Variants in GDF9 observed in about 807,000 individuals in gnomAD.
GDF9 encodes the protein growth differentiation factor 9, also known as growth/differentiation factor 9.
A neutral mutation model predicts 33.8 loss-of-function variants in GDF9; 30 were observed. That is an observed-to-expected ratio of 0.89 (90% CI 0.66 to 1.20). The LOEUF (loss-of-function observed/expected upper bound fraction) is 1.20. Ranked by LOEUF, GDF9 falls within the 50% of genes most tolerant of loss-of-function variation. The pLI is 0.00. For synonymous variants in GDF9, 205 were observed against 200.7 expected (o/e 1.02, Z -0.18); for missense variants, 556 against 543.7 (o/e 1.02, Z -0.22).
At position 132,864,344 on chromosome 5, in the gene GDF9, C is replaced by A. The variant is rs756418984; in HGVS notation, c.190G>T (p.Ala64Ser). The A allele has an allele frequency of 1.2e-6, 2 of 1,614,156 alleles. No homozygotes were observed. Among genetic ancestry groups the A allele is most frequent in the South Asian group, 2.2e-5 (2 of 91,088 alleles). Residue 64 changes from alanine to serine, a missense_variant, in exon 1 of 2, where the codon GCG becomes TCG. By Grantham distance (99) the Ala-to-Ser change is moderately conservative. Coordinates refer to ENST00000687138, the MANE Select transcript of GDF9 (RefSeq NM_005260.7). ...DERDRAGLLP[A>S]LFKVLSVGRG... ...CCAACAGATAGAACTTTGAAAAGCG[C>A]GGGAAGGAGGCCAGCTCTGTCTCTC...
chr5:132,861,499 C>G lies in GDF9; in HGVS notation c.*90G>C. Reference sequence around the variant, plus strand: ...ATATAACATATGCTACATTTAGAGACTTAATATATGAAGCTTTCTCTTGAA... The same window carrying G: ...ATATAACATATGCTACATTTAGAGAGTTAATATATGAAGCTTTCTCTTGAA... On this transcript the variant is annotated 3_prime_UTR_variant, in exon 2 of 2. Transcript: ENST00000687138. The G allele has an allele frequency of 1.8e-6, 2 of 1,089,756 alleles. No individual in the cohort carries two copies. The allele number at this position is 1,089,756 out of a possible 1,614,324, so 67.5% of individuals were successfully genotyped here. A position where few individuals can be genotyped will look rare whatever the true frequency, so the allele number is the denominator to read the frequency against.
rs1759211030 is a variant in GDF9 at position 132,861,356 on chromosome 5, CAAT to C, written c.*230_*232del. 1 of 506,474 alleles carries C rather than the reference CAAT, an allele frequency of 2.0e-6. No individual in the cohort carries two copies. The highest frequency in any genetic ancestry group is 3.5e-6 in the Non-Finnish European group (1 of 284,438). The allele number at this position is 506,474 out of a possible 1,614,324, so 31.4% of individuals were successfully genotyped here. On this transcript the variant is annotated 3_prime_UTR_variant, in exon 2 of 2. Transcript: ENST00000687138. ...AAGGAAAAAAATGTAAAGTTCTCCA[CAAT>C]AATTATATTTCATTTAAATTTGGAA...
chr5:132,862,179 C>A lies in GDF9; in HGVS notation c.775G>T (p.Val259Leu). The A allele has an allele frequency of 1.2e-6, 2 of 1,613,644 alleles. No individual in the cohort carries two copies. The highest frequency in any genetic ancestry group is 1.7e-6 in the Non-Finnish European group (2 of 1,179,558). ...AQNGLFNMTL[V>L]SPSLILYLND... ...AAATATAAGATCAGTGAGGGGGACA[C>A]CAGAGTCATGTTAAACAAACCATTC... The change falls in exon 2 of 2, where the codon GTG becomes TTG. Residue 259 changes from valine (V) to leucine (L), a missense_variant. Transcript: ENST00000687138.
rs765964867 is a variant in GDF9, at chr5:132,864,218, T to C, written c.316A>G (p.Asn106Asp). 6.2e-7 allele frequency: 1 copy of C among 1,614,212 alleles called. No homozygotes were observed. The highest frequency in any genetic ancestry group is 1.6e-4 in the Middle Eastern group (1 of 6,062). Residue 106 changes from asparagine (N) to aspartate (D), a missense_variant, in exon 1 of 2, where the codon AAT (asparagine) becomes GAT (aspartate). Coordinates refer to ENST00000687138, the MANE Select transcript of GDF9 (RefSeq NM_005260.7). ...ACAGTGTTGTAGAGGTGACTTCTAT[T>C]GGATTTAGGAATCCCTTCCTTGGTA... ...YATKEGIPKS[N>D]RSHLYNTVRL... is the part of the protein sequence containing the mutation.
chr5:132,864,066 T>G, intron 1 of GDF9, 71 bp downstream of exon 1: 1 of 1,483,460 alleles, frequency 6.7e-7, no homozygotes, highest in Non-Finnish European at 9.4e-7. Context: ...GCTCAGCTCC[T>G]TTCTGTAATT....
chr5:132,863,024 G>A (rs1391980743), intron 1 of GDF9, among the ~76,000 whole-genome samples: 2 of 151,916 alleles, frequency 1.3e-5, no homozygotes, highest in African/African-American at 4.8e-5. Flanking sequence ...ACAAGGTCTC[G>A]CCATGTTGCC....
In GDF9 at chr5:132,861,525, G is replaced by A; in HGVS notation, c.*64C>T. On this transcript the variant is annotated 3_prime_UTR_variant, in exon 2 of 2. Transcript: ENST00000687138. ...TTAATATATGAAGCTTTCTCTTGAA[G>A]GCACACATAGGCACACAGTAGTTAC... is the stretch of plus-strand genomic sequence containing the variant. The A allele has an allele frequency of 7.3e-7, 1 of 1,373,880 alleles. No individual in the cohort carries two copies. The highest frequency in any genetic ancestry group is 1.0e-6 in the Non-Finnish European group (1 of 961,410). 85.1% of individuals were successfully genotyped at this position (1,373,880 alleles called of 1,614,324 possible). A position where few individuals can be genotyped will look rare whatever the true frequency, so the allele number is the denominator to read the frequency against.
Position 132,866,313 on chromosome 5 carries a change from T to A in GDF9, c.-1780A>T, listed in dbSNP as rs140063257. 268 of 160,798 alleles carry A rather than the reference T, an allele frequency of 1.7e-3. No homozygotes were observed. Among genetic ancestry groups the A allele is most frequent in the Non-Finnish European group, 2.6e-3 (193 of 73,066 alleles). The allele number at this position is 160,798 out of a possible 1,614,324, so 10.0% of individuals were successfully genotyped here. On this transcript the variant is annotated 5_prime_UTR_variant, in exon 1 of 2. Transcript: ENST00000687138. ...CCCCGGAGGTCGGCAGGCCCCTTCC[T>A]CGTCACCTTTTTGTTCCCTCCCCCG... is the stretch of plus-strand genomic sequence containing the variant.
rs757269047 is a variant in GDF9 at position 132,862,077 on chromosome 5, G to T, written c.877C>A (p.Gln293Lys). The T allele has an allele frequency of 6.2e-7, 1 of 1,613,990 alleles. No homozygotes were observed. The highest frequency in any genetic ancestry group is 8.5e-7 in the Non-Finnish European group (1 of 1,179,906). ...GGATAGGCAGACAGACTTCTCTCCT[G>T]GTCAGGACCCTGGGAAGGCCTCCTT... ...YKRRPSQGPD[Q>K]ERSLSAYPVG... Residue 293 changes from glutamine (Q) to lysine (K), a missense_variant, in exon 2 of 2, where the codon CAG (glutamine) becomes AAG (lysine). Coordinates refer to ENST00000687138, the MANE Select transcript of GDF9 (RefSeq NM_005260.7).
chr5:132,862,002 G>C lies in GDF9; in HGVS notation c.952C>G (p.Arg318Gly). 6.2e-7 allele frequency: 1 copy of C among 1,613,952 alleles called. No homozygotes were observed. Among genetic ancestry groups the C allele is most frequent in the Non-Finnish European group, 8.5e-7 (1 of 1,179,846 alleles). Residue 318 changes from arginine to glycine, a missense_variant, in exon 2 of 2, where the codon CGC (arginine) becomes GGC (glycine). Transcript: ENST00000687138. ...GAACTGACAGTTTCCTGACCTCTGC[G>C]GTGACGGTGATGGGAAGATCTCCCA... ...EDGRSSHHRH[R>G]RGQETVSSEL...
chr5:132,862,599 C>T (rs775462618), intron 1 of GDF9, 43 bp from the exon 2 acceptor site: 9 of 1,462,426 alleles, frequency 6.2e-6, no homozygotes, highest in Middle Eastern at 1.8e-4. Context: ...GAAAATCAGT[C>T]AACACAACAG....
At chr5:132,866,580 G>A (rs548641026), upstream of GDF9, 106 of 487,892 alleles carry the variant, frequency 2.2e-4, 1 homozygote, top group South Asian at 2.1e-3. Flanking sequence ...GTAGGAAAAT[G>A]GTATCTCCCG....
At chr5:132,863,395 C>T (rs867127420) in intron 1 of GDF9, among the ~76,000 whole-genome samples, 1 of 151,886 alleles carries the variant, frequency 6.6e-6, no homozygotes, top group Non-Finnish European at 1.5e-5. Flanking sequence ...GATACAACTG[C>T]CCTGTTGGGT....
rs1490282771 is a variant in GDF9, at chr5:132,864,983, G to C, written c.-450C>G. The stretch of plus-strand genomic sequence containing the variant: ...AACCAATTATTCATGACGATACTCA[G>C]ATCTGCTGGTATGCAACTTATGGTA... On this transcript the variant is annotated 5_prime_UTR_variant, in exon 1 of 2. It adds an upstream start codon to the 5' untranslated region. Transcript: ENST00000687138. The C allele has an allele frequency of 5.8e-6, 1 of 173,412 alleles. No individual in the cohort carries two copies. Among genetic ancestry groups the C allele is most frequent in the Admixed American group, 5.5e-5 (1 of 18,210 alleles). The allele number at this position is 173,412 out of a possible 1,614,324, so 10.7% of individuals were successfully genotyped here. A position where few individuals can be genotyped will look rare whatever the true frequency, so the allele number is the denominator to read the frequency against.
chr5:132,862,323 A>G lies in GDF9; in HGVS notation c.631T>C (p.Trp211Arg), dbSNP rs778534564. The change falls in exon 2 of 2, where the codon TGG (tryptophan) becomes CGG (arginine). Residue 211 changes from tryptophan (W) to arginine (R), a missense_variant. Trp to Arg is a moderately radical substitution (Grantham distance 101). Transcript: ENST00000687138. ...AGGCTGGTCACATCAATCTGAATCC[A>G]TTTGTGTTTCTTTCCAAATTCAAAC... The part of the protein sequence containing the change: ...SQFEFGKKHK[W>R]IQIDVTSLLQ... 9 of 1,614,098 alleles carry G rather than the reference A, an allele frequency of 5.6e-6. No homozygotes were observed. The highest frequency in any genetic ancestry group is 7.6e-6 in the Non-Finnish European group (9 of 1,180,016).
Position 132,864,791 on chromosome 5 carries a change from G to A in GDF9, c.-258C>T. The A allele has an allele frequency of 4.0e-6, 2 of 504,572 alleles. No homozygotes were observed. The highest frequency in any genetic ancestry group is 7.0e-6 in the Non-Finnish European group (2 of 284,672). The allele number at this position is 504,572 out of a possible 1,614,324, so 31.3% of individuals were successfully genotyped here. A position where few individuals can be genotyped will look rare whatever the true frequency, so the allele number is the denominator to read the frequency against. On this transcript the variant is annotated 5_prime_UTR_variant, in exon 1 of 2. Coordinates refer to ENST00000687138, the MANE Select transcript of GDF9 (RefSeq NM_005260.7). The stretch of plus-strand genomic sequence containing the variant: ...TTTAGCTTTCCTCTCTTTTCCCCTG[G>A]CATTTACGTAAAACCCGTTACTGTT...
chr5:132,863,483 G>A (rs1352600947), intron 1 of GDF9, among the ~76,000 whole-genome samples: 4 of 148,094 alleles, frequency 2.7e-5, no homozygotes, highest in African/African-American at 7.4e-5. Context: ...CTCTGTTGCC[G>A]GGCTGGAGAG....
rs762144743 is a variant in GDF9, at chr5:132,861,604, C to T, written c.1350G>A (p.Lys450=). ...YKEYEDMIAT[K]CTCR The stretch of plus-strand genomic sequence containing the variant: ...GGACCATTTGTTAACGACAGGTGCA[C>T]TTTGTAGCTATCATATCTTCGTACT... Residue 450 remains lysine, a synonymous_variant, in exon 2 of 2, where the codon AAG becomes AAA. Coordinates refer to ENST00000687138, the MANE Select transcript of GDF9 (RefSeq NM_005260.7). 18 of 1,613,794 alleles carry T rather than the reference C, an allele frequency of 1.1e-5. No individual in the cohort carries two copies. Among genetic ancestry groups the T allele is most frequent in the South Asian group, 7.7e-5 (7 of 91,074 alleles).
Position 132,862,690 on chromosome 5 carries a change from A to T in GDF9, c.398-134T>A, listed in dbSNP as rs898154586. 32 of 694,794 alleles carry T rather than the reference A, an allele frequency of 4.6e-5. No individual in the cohort carries two copies. The African/African-American group carries it at 5.4e-4, about 12-fold the overall frequency. 43.0% of individuals were successfully genotyped at this position (694,794 alleles called of 1,614,324 possible). On this transcript the variant is annotated intron_variant, in intron 1 of 1. Coordinates refer to ENST00000687138, the MANE Select transcript of GDF9 (RefSeq NM_005260.7). The stretch of plus-strand genomic sequence containing the variant: ...CCACTTTCTCAAGCCTCAAAAAAAA[A>T]AATGGGGGTTAATATAGAAAAGGAA...
Sources: allele counts gnomAD v4.1 joint callset (sites outside exome capture counted in the v4.1 genomes callset), GRCh38; gene constraint gnomAD v4.1.1; transcripts MANE v1.5; gene names NCBI Gene and HGNC (gene_info 2026-07-23, HGNC 2026-07-21).